The following ZNF277 variants were observed in gnomAD, a reference collection of about 807,000 sequenced individuals.
ZNF277 encodes the protein zinc finger protein 277.
ZNF277 carries 55 observed loss-of-function variants against 60.7 expected under a neutral mutation model. That is an observed-to-expected ratio of 0.91 (90% CI 0.73 to 1.13). The LOEUF is 1.13. Among genes scored for constraint, ZNF277 ranks in the 50% most tolerant of loss-of-function variants. The pLI is 0.00. For missense variants in ZNF277, 510 were observed against 523.0 expected, an observed-to-expected ratio of 0.98 and a Z score of 0.24; for synonymous variants, 178 against 179.3, an observed-to-expected ratio of 0.99 and a Z score of 0.06.
intron 4 of ZNF277, among the ~76,000 whole-genome samples, chr7:112,307,735 C>T (rs1277254946): frequency 6.6e-6 from 1 of 151,876 alleles, no homozygotes; most frequent in Non-Finnish European, 1.5e-5. Context: ...TTGTATCTAT[C>T]TCCTAAGCAG....
intron 1 of ZNF277, among the ~76,000 whole-genome samples, chr7:112,212,039 G>A (rs1323047363): frequency 6.6e-6 from 1 of 152,198 alleles, no homozygotes; most frequent in Non-Finnish European, 1.5e-5. Context: ...CTTGTGAAAG[G>A]TATGCATACC....
In ZNF277 at chr7:112,314,096, A is replaced by C. The variant is rs572086417; in HGVS notation, c.466-4086A>C. Among the ~76,000 whole-genome samples, 21 of 152,254 alleles carry C rather than the reference A, an allele frequency of 1.4e-4. No individual in the cohort carries two copies. The South Asian group carries it at 4.3e-3, about 32-fold the overall frequency. Reference sequence around the variant, plus strand: ...TGGTAAAAAAGGAAGTATCACTTCTAATACAAAAACAGTCTGGGAAAGTCA... The same window carrying C: ...TGGTAAAAAAGGAAGTATCACTTCTCATACAAAAACAGTCTGGGAAAGTCA... On this transcript the variant is annotated intron_variant, in intron 4 of 11. Transcript: ENST00000361822.
intron 1 of ZNF277, among the ~76,000 whole-genome samples, chr7:112,272,760 C>G (rs959498905): frequency 6.6e-6 from 1 of 152,168 alleles, no homozygotes; most frequent in African/African-American, 2.4e-5. Context: ...TTCCAAAGTG[C>G]TGGGATAACA....
rs574132204 is a variant in ZNF277, at chr7:112,209,120, A to G, written c.91+2313A>G. ...TCCTTTTTTTTTAAGGACTGTGCCCATCATATTCCAAAATATGATTGTGCC... is the reference window on the plus strand; with the variant it reads ...TCCTTTTTTTTTAAGGACTGTGCCCGTCATATTCCAAAATATGATTGTGCC... On this transcript the variant is annotated intron_variant, in intron 1 of 11. Transcript: ENST00000361822. 2.7e-4 allele frequency among the ~76,000 whole-genome samples: 41 copies of G among 152,212 alleles called. 2 individuals are homozygous for G. In the South Asian group the frequency reaches 8.3e-3, roughly 31 times the overall value.
chr7:112,210,825 G>A (rs953234874), intron 1 of ZNF277, among the ~76,000 whole-genome samples: 1 of 152,120 alleles, frequency 6.6e-6, no homozygotes, highest in Non-Finnish European at 1.5e-5. Context: ...ACAGTAACCA[G>A]AATTTCAATT....
chr7:112,341,056 G>T lies in ZNF277; in HGVS notation c.1184+10G>T. On this transcript the variant is annotated intron_variant, in intron 11 of 11. Transcript: ENST00000361822. ...CGTGGGATCAACTGGAGTACGTACT[G>T]CAAAACCAAATGTGCACTTCTTACT... The T allele has an allele frequency of 6.4e-7, 1 of 1,566,382 alleles. No homozygotes were observed. The highest frequency in any genetic ancestry group is 8.6e-7 in the Non-Finnish European group (1 of 1,157,924).
In ZNF277 at chr7:112,340,880, T is replaced by G; in HGVS notation, c.1018T>G (p.Phe340Val). 1 of 1,609,630 alleles carries G rather than the reference T, an allele frequency of 6.2e-7. No individual in the cohort carries two copies. ...TATTTTGTCATTTTCAGGATTAAAT[T>G]TCTATCAGCAAGTGAAACTGGTCAA... ...LKIKSELGLNFYQQVKLVNFI... is the reference protein window; with the variant it reads ...LKIKSELGLNVYQQVKLVNFI... The change falls in exon 11 of 12, where the codon TTC becomes GTC. Residue 340 changes from phenylalanine to valine, a missense_variant. Phe to Val is a conservative substitution (Grantham distance 50). Transcript: ENST00000361822.
At chr7:112,334,418 T>G (rs1487278513) in intron 7 of ZNF277, among the ~76,000 whole-genome samples, 1 of 150,196 alleles carries the variant, frequency 6.7e-6, no homozygotes, top group African/African-American at 2.5e-5. Context: ...TTTTTTTTTT[T>G]GCTTTGGGTC....
chr7:112,283,891 C>T (rs1479035099), intron 1 of ZNF277, among the ~76,000 whole-genome samples: 2 of 152,138 alleles, frequency 1.3e-5, no homozygotes, highest in Non-Finnish European at 2.9e-5. Context: ...AGGACATTGT[C>T]AGAGTACATA....
intron 1 of ZNF277, among the ~76,000 whole-genome samples, chr7:112,216,095 T>A (rs1332365366): frequency 6.6e-6 from 1 of 152,240 alleles, no homozygotes; most frequent in Non-Finnish European, 1.5e-5. Context: ...GGTGAGAGTC[T>A]GCGGGCTTAT....
chr7:112,286,969 G>T lies in ZNF277; in HGVS notation c.188G>T (p.Cys63Phe). The T allele has an allele frequency of 1.9e-6, 3 of 1,611,330 alleles. No homozygotes were observed. The highest frequency in any genetic ancestry group is 2.5e-6 in the Non-Finnish European group (3 of 1,179,424). ...EGSPSVPCIF[C>F]EEHFPVAEQD... ...TCTCCATCTGTGCCTTGTATTTTCT[G>T]TGAAGAACATTTTCCTGTGGCTGAA... Residue 63 changes from cysteine to phenylalanine, a missense_variant, in exon 2 of 12, where the codon TGT (cysteine) becomes TTT (phenylalanine). Physicochemically the swap from Cys to Phe is radical, Grantham distance 205 (BLOSUM62 -2). Coordinates refer to ENST00000361822, the MANE Select transcript of ZNF277 (RefSeq NM_021994.3).
At chr7:112,310,977 G>GT (rs1376076443) in intron 4 of ZNF277, among the ~76,000 whole-genome samples, 1 of 152,030 alleles carries the variant, frequency 6.6e-6, no homozygotes, top group African/African-American at 2.4e-5. Flanking sequence ...ATCCATCTTG[G>GT]TTTTACTTTC....
Position 112,277,272 on chromosome 7 carries a change from C to T in ZNF277, c.92-9601C>T, listed in dbSNP as rs757981130. On this transcript the variant is annotated intron_variant, in intron 1 of 11. Coordinates refer to ENST00000361822, the MANE Select transcript of ZNF277 (RefSeq NM_021994.3). ...TAATTTTTTGTATTTTTATTAGAGACGGGGTTTCACCATGTTAGCCAAGAT... is the reference window on the plus strand; with the variant it reads ...TAATTTTTTGTATTTTTATTAGAGATGGGGTTTCACCATGTTAGCCAAGAT... Among the ~76,000 whole-genome samples the T allele has an allele frequency of 2.1e-4, 32 of 151,922 alleles. 1 individual carries two copies. The highest frequency in any genetic ancestry group is 2.9e-4 in the Non-Finnish European group (20 of 67,948).
intron 1 of ZNF277, among the ~76,000 whole-genome samples, chr7:112,214,495 G>A (rs1821832133): frequency 6.6e-6 from 1 of 152,160 alleles, no homozygotes; most frequent in Non-Finnish European, 1.5e-5. Flanking sequence ...CCAAAGGTGA[G>A]CAGGGCAGCT....
chr7:112,228,633 G>A (rs1324246885), intron 1 of ZNF277, among the ~76,000 whole-genome samples: 1 of 151,606 alleles, frequency 6.6e-6, no homozygotes, highest in Non-Finnish European at 1.5e-5. Context: ...GGTCTTTTAT[G>A]CCAGGCTTTT....
In ZNF277 at chr7:112,342,720, G is replaced by A; in HGVS notation, c.1344G>A (p.Leu448=). ...AACAAAGCAGTATTTTGAACCAGTT[G>A]CTACTATAAGAGTACTTGAAAACCT... is the stretch of plus-strand genomic sequence containing the variant. ...ALKQSSILNQ[L]LL Residue 448 remains leucine (L), a synonymous_variant, in exon 12 of 12, where the codon TTG becomes TTA. Transcript: ENST00000361822. 1 of 1,599,114 alleles carries A rather than the reference G, an allele frequency of 6.3e-7. No homozygotes were observed. Among genetic ancestry groups the A allele is most frequent in the Non-Finnish European group, 8.5e-7 (1 of 1,174,364 alleles).
At chr7:112,232,154 T>C (rs188529832) in intron 1 of ZNF277, among the ~76,000 whole-genome samples, 1,948 of 150,946 alleles carry the variant, frequency 0.013, 47 homozygotes, top group African/African-American at 0.046. Flanking sequence ...GGACAGATGA[T>C]TTTAAAAGTA....
intron 1 of ZNF277, among the ~76,000 whole-genome samples, chr7:112,210,880 C>T (rs1043269580): frequency 4.6e-5 from 7 of 152,228 alleles, no homozygotes; most frequent in African/African-American, 1.4e-4. Flanking sequence ...TTCAGCATCC[C>T]TCACGTGGTG....
At chr7:112,214,225 T>C (rs1034605715) in intron 1 of ZNF277, among the ~76,000 whole-genome samples, 2 of 152,362 alleles carry the variant, frequency 1.3e-5, no homozygotes, top group Non-Finnish European at 2.9e-5. Context: ...CAGATTCATA[T>C]AATAGAAATC....
Sources: allele counts gnomAD v4.1 joint callset (sites outside exome capture counted in the v4.1 genomes callset), GRCh38; gene constraint gnomAD v4.1.1; transcripts MANE v1.5; gene names NCBI Gene and HGNC (gene_info 2026-07-23, HGNC 2026-07-21).